The following SLC2A1 variants were observed in gnomAD, a reference collection of about 807,000 sequenced individuals.
SLC2A1 encodes solute carrier family 2, facilitated glucose transporter member 1.
SLC2A1 carries 4 observed loss-of-function variants against 46.6 expected under a neutral mutation model. The observed-to-expected ratio is 0.09, with a 90% confidence interval of 0.04 to 0.20. SLC2A1 has a LOEUF of 0.20. Among genes scored for constraint, SLC2A1 ranks in the 10% least tolerant of loss-of-function variants. The probability of loss-of-function intolerance (pLI) is 1.00; values close to 1 mark genes in which losing one functional copy is unlikely to be tolerated. For missense variants in SLC2A1, 352 were observed against 667.0 expected (o/e 0.53, Z 5.20); for synonymous variants, 253 against 270.0 (o/e 0.94, Z 0.62).
In SLC2A1 at chr1:42,951,480, T is replaced by C. The variant is rs145621895; in HGVS notation, c.18+7154A>G. On this transcript the variant is annotated intron_variant, in intron 1 of 9. Transcript: ENST00000426263. ...CCAGTATTTACCTCTAAGGGTTGGTTTGGTGAACAGAATGGGTTGCAAAGA... is the reference window on the plus strand; with the variant it reads ...CCAGTATTTACCTCTAAGGGTTGGTCTGGTGAACAGAATGGGTTGCAAAGA... 364 of 184,398 alleles carry C rather than the reference T, an allele frequency of 2.0e-3. 1 individual carries two copies. The highest frequency in any genetic ancestry group is 7.9e-3 in the African/African-American group (340 of 42,942). The allele number at this position is 184,398 out of a possible 1,614,324, so 11.4% of individuals were successfully genotyped here.
chr1:42,946,388 A>T (rs937340171), intron 1 of SLC2A1, among the ~76,000 whole-genome samples: 1 of 152,156 alleles, frequency 6.6e-6, no homozygotes, highest in African/African-American at 2.4e-5. Context: ...ATGAAACTGG[A>T]CCCAGTCCTG....
intron 1 of SLC2A1, among the ~76,000 whole-genome samples, chr1:42,955,893 C>G (rs1251008441): frequency 6.6e-6 from 1 of 152,194 alleles, no homozygotes; most frequent in Non-Finnish European, 1.5e-5. Flanking sequence ...CTGTGAGTTA[C>G]AGAGGAGCAC....
In SLC2A1 at chr1:42,930,156, G is replaced by A; in HGVS notation, c.517-121C>T. 1.8e-6 allele frequency: 2 copies of A among 1,119,780 alleles called. No homozygotes were observed. The highest frequency in any genetic ancestry group is 1.3e-6 in the Non-Finnish European group (1 of 755,606). 69.4% of individuals were successfully genotyped at this position (1,119,780 alleles called of 1,614,324 possible). On this transcript the variant is annotated intron_variant, in intron 4 of 9. Transcript: ENST00000426263. This position sits in a 1 kb window ranked among gnomAD's most constrained non-coding sequence, Gnocchi z 6.2. ...TTCAGGGAAGGGCCCCAGTTCTAGA[G>A]GCTCTGCCACTAGCATGAGCCCTGT...
intron 2 of SLC2A1, 74 bp downstream of exon 2, chr1:42,943,152 G>A (rs1005864248): frequency 1.1e-5 from 11 of 973,356 alleles, no homozygotes; most frequent in Admixed American, 3.8e-5. Flanking sequence ...AGGTGGTGGC[G>A]TGAGACTGTG....
In SLC2A1 at chr1:42,933,155, C is replaced by T. The variant is rs949543342; in HGVS notation, c.115-1949G>A. ...TCAGTGAAACAGTGCTTGGTGTCAT[C>T]ATCCCTAAAATCACCCCACTGCACA... On this transcript the variant is annotated intron_variant, in intron 2 of 9. Coordinates refer to ENST00000426263, the MANE Select transcript of SLC2A1 (RefSeq NM_006516.4). 3.3e-5 allele frequency among the ~76,000 whole-genome samples: 5 copies of T among 152,312 alleles called. No individual in the cohort carries two copies. The East Asian group carries it at 9.6e-4, about 29-fold the overall frequency.
intron 2 of SLC2A1, among the ~76,000 whole-genome samples, chr1:42,941,860 A>G (rs1241584353): frequency 6.6e-6 from 1 of 152,234 alleles, no homozygotes; most frequent in Non-Finnish European, 1.5e-5. Flanking sequence ...TGGTCCAAGC[A>G]TGGGCCCACG....
intron 1 of SLC2A1, among the ~76,000 whole-genome samples, chr1:42,951,186 T>G (rs1023430575): frequency 2.0e-5 from 3 of 152,198 alleles, no homozygotes; most frequent in African/African-American, 7.2e-5. Flanking sequence ...TAAATACATG[T>G]AATACATCAG....
At chr1:42,943,579 T>G (rs928060370) in intron 1 of SLC2A1, among the ~76,000 whole-genome samples, 2 of 152,026 alleles carry the variant, frequency 1.3e-5, no homozygotes, top group East Asian at 3.9e-4. Context: ...TAGCCAGGTC[T>G]CAGAGAGGGA....
chr1:42,931,245 G>A (rs750508325), intron 2 of SLC2A1, 39 bp from the exon 3 acceptor site: 2 of 1,602,052 alleles, frequency 1.2e-6, no homozygotes, highest in Non-Finnish European at 1.7e-6. Flanking sequence ...CAAGCCAGGG[G>A]CCAGGACCCA....
At chr1:42,955,715 G>A (rs1320516188) in intron 1 of SLC2A1, among the ~76,000 whole-genome samples, 1 of 152,208 alleles carries the variant, frequency 6.6e-6, no homozygotes, top group African/African-American at 2.4e-5. Context: ...AGTGATGAGT[G>A]ATGGGCATAG....
At chr1:42,957,512 C>G (rs1643788820) in intron 1 of SLC2A1, among the ~76,000 whole-genome samples, 1 of 152,098 alleles carries the variant, frequency 6.6e-6, no homozygotes, top group Non-Finnish European at 1.5e-5. Flanking sequence ...ATCCAGGTGC[C>G]CTCCCAGCTG....
chr1:42,949,204 C>T (rs1418511511), intron 1 of SLC2A1, among the ~76,000 whole-genome samples: 1 of 152,068 alleles, frequency 6.6e-6, no homozygotes, highest in African/African-American at 2.4e-5. Flanking sequence ...GCAGATATTG[C>T]ACGACTGCAT....
intron 1 of SLC2A1, among the ~76,000 whole-genome samples, chr1:42,953,499 C>CCGCCATCATGGGGA (rs1436659533): frequency 6.6e-6 from 1 of 152,212 alleles, no homozygotes; most frequent in African/African-American, 2.4e-5. Flanking sequence ...CTCCCAGCCT[C>CCGCCATCATGGGGA]CGCCATCATG....
intron 2 of SLC2A1, among the ~76,000 whole-genome samples, chr1:42,936,720 C>T (rs1025410145): frequency 8.5e-5 from 13 of 152,194 alleles, no homozygotes; most frequent in African/African-American, 2.4e-4. Flanking sequence ...AAGCCCTTCT[C>T]AGCTCTTGCA....
rs1643458414 is a variant in SLC2A1, at chr1:42,929,061, C to T, written c.973-28G>A. ...GTGGGCAGAGACAGTGTCAGTGCCA[C>T]CCCTGCCTAGTGCCCTTCTGAACCC... On this transcript the variant is annotated intron_variant, in intron 7 of 9. Coordinates refer to ENST00000426263, the MANE Select transcript of SLC2A1 (RefSeq NM_006516.4). This position sits in a 1 kb window ranked among gnomAD's most constrained non-coding sequence, Gnocchi z 6.0. 2 of 1,605,834 alleles carry T rather than the reference C, an allele frequency of 1.2e-6. No homozygotes were observed. Among genetic ancestry groups the T allele is most frequent in the Non-Finnish European group, 1.7e-6 (2 of 1,173,660 alleles).
At chr1:42,939,128 C>T (rs1330921289) in intron 2 of SLC2A1, among the ~76,000 whole-genome samples, 2 of 152,258 alleles carry the variant, frequency 1.3e-5, no homozygotes, top group Admixed American at 1.3e-4. Flanking sequence ...ATCTCTGTGT[C>T]GCCCTAGGGC....
Position 42,926,584 on chromosome 1 carries a change from G to A in SLC2A1, c.*457C>T. On this transcript the variant is annotated 3_prime_UTR_variant, in exon 10 of 10. Transcript: ENST00000426263. ...GGAGATCCAGGCCAGCAGAACGGGT[G>A]GCCATAGCCACCTCCTGGGATAGAA... is the stretch of plus-strand genomic sequence containing the variant. 1 of 670,160 alleles carries A rather than the reference G, an allele frequency of 1.5e-6. No homozygotes were observed. Among genetic ancestry groups the A allele is most frequent in the Non-Finnish European group, 2.2e-6 (1 of 459,046 alleles). 41.5% of individuals were successfully genotyped at this position (670,160 alleles called of 1,614,324 possible).
In SLC2A1 at chr1:42,940,874, C is replaced by G. The variant is rs538120128; in HGVS notation, c.114+2352G>C. 2.0e-5 allele frequency among the ~76,000 whole-genome samples: 3 copies of G among 152,294 alleles called. No individual in the cohort carries two copies. In the East Asian group the frequency reaches 5.8e-4, roughly 29 times the overall value. ...AGAAACAGACCCATACATACAGGTGCCTCCTGCACATCTCCAGCTGTGTCA... is the reference window on the plus strand; with the variant it reads ...AGAAACAGACCCATACATACAGGTGGCTCCTGCACATCTCCAGCTGTGTCA... On this transcript the variant is annotated intron_variant, in intron 2 of 9. Coordinates refer to ENST00000426263, the MANE Select transcript of SLC2A1 (RefSeq NM_006516.4).
rs1399875458 is a variant in SLC2A1, at chr1:42,954,370, A to G, written c.18+4264T>C. ...CCCATCTCTACTAAAAAAAAATACA[A>G]AAAAATTAGCCGGGCATGGTGGCAC... is the stretch of plus-strand genomic sequence containing the variant. On this transcript the variant is annotated intron_variant, in intron 1 of 9. Coordinates refer to ENST00000426263, the MANE Select transcript of SLC2A1 (RefSeq NM_006516.4). The surrounding 1 kb of genome is among the most constrained non-coding windows in gnomAD (Gnocchi z 4.2). 2.0e-5 allele frequency among the ~76,000 whole-genome samples: 3 copies of G among 152,112 alleles called. No individual in the cohort carries two copies. The highest frequency in any genetic ancestry group is 2.9e-5 in the Non-Finnish European group (2 of 68,014).
Sources: gnomAD v4.1 joint callset for allele counts (sites outside exome capture counted in the v4.1 genomes callset) on GRCh38, gnomAD v4.1.1 for gene constraint, Gnocchi (gnomAD v3.1) non-coding constraint, MANE v1.5 for transcripts, NCBI Gene and HGNC (gene_info 2026-07-23, HGNC 2026-07-21) for gene names.